The following NPY variants were observed in gnomAD, a reference collection of about 807,000 sequenced individuals.
The protein encoded by NPY is pro-neuropeptide Y.
In NPY, 11 loss-of-function variants were observed where a neutral mutation model predicts 13.2. That is an observed-to-expected ratio of 0.83 (90% confidence interval 0.52 to 1.38). The LOEUF is 1.38. NPY is among the 40% of genes most tolerant of loss of function. The pLI is 0.00. For synonymous variants in NPY, 51 were observed against 55.6 expected (o/e 0.92, Z 0.37); for missense variants, 109 against 125.1 (o/e 0.87, Z 0.61).
chr7:24,286,054 A>T (rs953818775), intron 2 of NPY, among the ~76,000 whole-genome samples: 1 of 152,234 alleles, frequency 6.6e-6, no homozygotes, highest in Non-Finnish European at 1.5e-5. Flanking sequence ...AAAACAGTTT[A>T]TCTAAAATGC....
At chr7:24,290,413 G>A (rs978893673) in intron 3 of NPY, among the ~76,000 whole-genome samples, 2 of 152,092 alleles carry the variant, frequency 1.3e-5, no homozygotes, top group Admixed American at 1.3e-4. Flanking sequence ...CTTAAACCAA[G>A]TTCTACAATG....
In NPY at chr7:24,291,780, A is replaced by G. The variant is rs778078875; in HGVS notation, c.*93A>G. ...ATCCACCCATCCTACCAATGCATGC[A>G]GCCACTGTGCTGAATTCTGCAATGT... On this transcript the variant is annotated 3_prime_UTR_variant, in exon 4 of 4. Transcript: ENST00000242152. 8 of 1,387,370 alleles carry G rather than the reference A, an allele frequency of 5.8e-6. No individual in the cohort carries two copies. Among genetic ancestry groups the G allele is most frequent in the Non-Finnish European group, 8.2e-6 (8 of 975,394 alleles). The allele number at this position is 1,387,370 out of a possible 1,614,324, so 85.9% of individuals were successfully genotyped here. A position where few individuals can be genotyped will look rare whatever the true frequency, so the allele number is the denominator to read the frequency against.
chr7:24,290,775 A>AATT (rs10693219), intron 3 of NPY, among the ~76,000 whole-genome samples: 4 of 129,638 alleles, frequency 3.1e-5, no homozygotes, highest in African/African-American at 8.7e-5. Context: ...TAATAATAAT[A>AATT]ATTATTATTA....
chr7:24,284,712 G>A (rs1787289061), intron 1 of NPY, among the ~76,000 whole-genome samples: 1 of 152,180 alleles, frequency 6.6e-6, no homozygotes, highest in Non-Finnish European at 1.5e-5. Context: ...CACCTCCCTG[G>A]ATTCTTGGGC....
intron 3 of NPY, among the ~76,000 whole-genome samples, chr7:24,290,791 C>A (rs866496619): frequency 9.6e-5 from 2 of 20,888 alleles, no homozygotes; most frequent in Admixed American, 5.5e-4. Flanking sequence ...TATTATTATT[C>A]AGAGACAAGG....
chr7:24,286,226 A>G (rs1482164680), intron 2 of NPY, among the ~76,000 whole-genome samples: 1 of 152,256 alleles, frequency 6.6e-6, no homozygotes, highest in African/African-American at 2.4e-5. Flanking sequence ...TCCGAAAGTC[A>G]AAATGAAATG....
At chr7:24,291,471 G>C (rs1282367827) in intron 3 of NPY, among the ~76,000 whole-genome samples, 192 bp from the exon 4 acceptor site, 1 of 152,210 alleles carries the variant, frequency 6.6e-6, no homozygotes, top group African/African-American at 2.4e-5. Context: ...ATGCTGCTCA[G>C]CTGGGGCTGT....
Position 24,285,738 on chromosome 7 carries a change from C to T in NPY, c.188+310C>T, listed in dbSNP as rs1052216360. On this transcript the variant is annotated intron_variant, in intron 2 of 3. Coordinates refer to ENST00000242152, the MANE Select transcript of NPY (RefSeq NM_000905.4). This position sits in a 1 kb window ranked among gnomAD's most constrained non-coding sequence, Gnocchi z 4.9. ...TTGTGGTTCTTACGGCAGTGGGGCC[C>T]GGTCCAGAAATCTCGAAAGTACCCA... Among the ~76,000 whole-genome samples the T allele has an allele frequency of 3.9e-5, 6 of 152,004 alleles. No individual in the cohort carries two copies. Among genetic ancestry groups the T allele is most frequent in the African/African-American group, 9.7e-5 (4 of 41,374 alleles).
At chr7:24,290,775 A>ATTATTATTATTATTATTATTATTATT (rs1554351567) in intron 3 of NPY, among the ~76,000 whole-genome samples, 2 of 129,638 alleles carry the variant, frequency 1.5e-5, no homozygotes, top group African/African-American at 5.8e-5. Flanking sequence ...TAATAATAAT[A>ATTATTATTATTATTATTATTATTATT]ATTATTATTA....
rs948241289 is a variant in NPY at position 24,285,303 on chromosome 7, C to T, written c.63C>T (p.Cys21=). Residue 21 remains cysteine (C), a synonymous_variant, in exon 2 of 4, where the codon TGC becomes TGT. Coordinates refer to ENST00000242152, the MANE Select transcript of NPY (RefSeq NM_000905.4). This position sits in a 1 kb window ranked among gnomAD's most constrained non-coding sequence, Gnocchi z 4.9. Reference sequence around the variant, plus strand: ...CCCTCGCCCTGTCCCTGCTCGTGTGCCTGGGTGCGCTGGCCGAGGCGTACC... The same window carrying T: ...CCCTCGCCCTGTCCCTGCTCGTGTGTCTGGGTGCGCTGGCCGAGGCGTACC... The part of the protein sequence containing the change: ...GLTLALSLLV[C]LGALAEAYPS... 1.2e-6 allele frequency: 2 copies of T among 1,614,062 alleles called. No homozygotes were observed. The highest frequency in any genetic ancestry group is 2.2e-5 in the East Asian group (1 of 44,858).
rs1787328791 is a variant in NPY at position 24,285,507 on chromosome 7, A to T, written c.188+79A>T. 2 of 1,431,352 alleles carry T rather than the reference A, an allele frequency of 1.4e-6. No homozygotes were observed. The highest frequency in any genetic ancestry group is 9.6e-7 in the Non-Finnish European group (1 of 1,045,528). The allele number at this position is 1,431,352 out of a possible 1,614,324, so 88.7% of individuals were successfully genotyped here. On this transcript the variant is annotated intron_variant, in intron 2 of 3. Coordinates refer to ENST00000242152, the MANE Select transcript of NPY (RefSeq NM_000905.4). The surrounding 1 kb of genome is among the most constrained non-coding windows in gnomAD (Gnocchi z 4.9). ...GATCCTGGGGATGTTAGGGAAAGGG[A>T]TTGTTTCTTTTCCTTCGCTCTATCC...
rs1278710503 is a variant in NPY at position 24,285,846 on chromosome 7, A to C, written c.188+418A>C. 6.6e-6 allele frequency among the ~76,000 whole-genome samples: 1 copy of C among 152,190 alleles called. No individual in the cohort carries two copies. The highest frequency in any genetic ancestry group is 2.4e-5 in the African/African-American group (1 of 41,464). On this transcript the variant is annotated intron_variant, in intron 2 of 3. Transcript: ENST00000242152. This position sits in a 1 kb window ranked among gnomAD's most constrained non-coding sequence, Gnocchi z 4.9. ...TCTAGGAGAAACAGAACGACCACCA[A>C]AGAAAACCAAACCAAGGAGTAAACT...
At position 24,285,567 on chromosome 7, in the gene NPY, T is replaced by G; in HGVS notation, c.188+139T>G. On this transcript the variant is annotated intron_variant, in intron 2 of 3. Coordinates refer to ENST00000242152, the MANE Select transcript of NPY (RefSeq NM_000905.4). The surrounding 1 kb of genome is among the most constrained non-coding windows in gnomAD (Gnocchi z 4.9). Reference sequence around the variant, plus strand: ...ACAGTATCAGGCACTTAGTCAGCTCTAGGTAAATGTTTGTACAGGGCACAC... The same window carrying G: ...ACAGTATCAGGCACTTAGTCAGCTCGAGGTAAATGTTTGTACAGGGCACAC... The G allele has an allele frequency of 1.2e-6, 1 of 841,046 alleles. No individual in the cohort carries two copies. 52.1% of individuals were successfully genotyped at this position (841,046 alleles called of 1,614,324 possible). A position where few individuals can be genotyped will look rare whatever the true frequency, so the allele number is the denominator to read the frequency against.
At chr7:24,291,527 T>TTATTTAGAATGCCA in intron 3 of NPY, 136 bp from the exon 4 acceptor site, 1 of 940,334 alleles carries the variant, frequency 1.1e-6, no homozygotes, top group Non-Finnish European at 1.6e-6. Flanking sequence ...ACATGGCTTC[T>TTATTTAGAATGCCA]TATTTAGAAT....
Position 24,289,597 on chromosome 7 carries a change from A to G in NPY, c.269+18A>G. 6.3e-7 allele frequency: 1 copy of G among 1,599,994 alleles called. No individual in the cohort carries two copies. On this transcript the variant is annotated intron_variant, in intron 3 of 3. Coordinates refer to ENST00000242152, the MANE Select transcript of NPY (RefSeq NM_000905.4). ...AGAACTCGGTATGACAAGGCTTGTG[A>G]TGGGGACATTGTTGCAGAGCTCAAG... is the stretch of plus-strand genomic sequence containing the variant.
chr7:24,290,358 A>T (rs1787555680), intron 3 of NPY, among the ~76,000 whole-genome samples: 1 of 152,140 alleles, frequency 6.6e-6, no homozygotes, highest in South Asian at 2.1e-4. Flanking sequence ...CCACAGTAAG[A>T]TCATAGTTCA....
rs1268634509 is a variant in NPY at position 24,285,490 on chromosome 7, G to A, written c.188+62G>A. On this transcript the variant is annotated intron_variant, in intron 2 of 3. Transcript: ENST00000242152. This position sits in a 1 kb window ranked among gnomAD's most constrained non-coding sequence, Gnocchi z 4.9. ...GTGCCTGCACACCAGGAGATCCTGG[G>A]GATGTTAGGGAAAGGGATTGTTTCT... 2 of 1,503,446 alleles carry A rather than the reference G, an allele frequency of 1.3e-6. No homozygotes were observed. The highest frequency in any genetic ancestry group is 1.8e-6 in the Non-Finnish European group (2 of 1,098,138). The allele number at this position is 1,503,446 out of a possible 1,614,324, so 93.1% of individuals were successfully genotyped here.
At chr7:24,291,176 TAGA>T (rs531665322) in intron 3 of NPY, among the ~76,000 whole-genome samples, 191 of 152,270 alleles carry the variant, frequency 1.3e-3, no homozygotes, top group African/African-American at 4.1e-3. Flanking sequence ...CAGGTGCAGT[TAGA>T]AGGAGACAAA....
intron 1 of NPY, chr7:24,284,867 C>A (rs997490537): frequency 3.1e-5 from 10 of 321,880 alleles, no homozygotes; most frequent in African/African-American, 2.0e-4. Context: ...AGAAACTTTT[C>A]TTCCCAGACA....
Sources: allele counts gnomAD v4.1 joint callset (sites outside exome capture counted in the v4.1 genomes callset), GRCh38; gene constraint gnomAD v4.1.1; non-coding constraint Gnocchi (gnomAD v3.1); transcripts MANE v1.5; gene names NCBI Gene and HGNC (gene_info 2026-07-23, HGNC 2026-07-21).